NAV1: variants seen among roughly 807,000 people sequenced by gnomAD.
NAV1 encodes neuron navigator 1, also known as pore membrane and/or filament interacting like protein 3.
In NAV1, 18 loss-of-function variants were observed where a neutral mutation model predicts 175.2. The observed-to-expected ratio is 0.10, with a 90% confidence interval of 0.07 to 0.15. The LOEUF is 0.15. Ranked by LOEUF, NAV1 falls within the 10% of genes least tolerant of loss-of-function variation. The pLI is 1.00. For missense variants in NAV1, 1,731 were observed against 2,436.6 expected, an observed-to-expected ratio of 0.71 and a Z score of 6.10; for synonymous variants, 897 against 978.7, an observed-to-expected ratio of 0.92 and a Z score of 1.56.
intron 3 of NAV1, among the ~76,000 whole-genome samples, chr1:201,749,976 G>C (rs1245845013): frequency 1.3e-5 from 2 of 152,214 alleles, no homozygotes; most frequent in Non-Finnish European, 2.9e-5. Context: ...GGTTAGAGGA[G>C]ATTATAAAAC....
chr1:201,614,595 A>C (rs1013694437), intron 2 of NAV1, among the ~76,000 whole-genome samples: 1 of 152,074 alleles, frequency 6.6e-6, no homozygotes, highest in African/African-American at 2.4e-5. Context: ...GGCCCAAAAC[A>C]CTTCCTTGCT....
Position 201,778,002 on chromosome 1 carries a change from T to A in NAV1, c.1227-2419T>A, listed in dbSNP as rs146042474. ...GCTCTCTTCAGTGGAGCATCTCCAG[T>A]GGAGATGCTTAACTCTCATGTAATG... On this transcript the variant is annotated intron_variant, in intron 3 of 29. Coordinates refer to ENST00000367296, the Ensembl canonical transcript of NAV1. 3.9e-5 allele frequency among the ~76,000 whole-genome samples: 6 copies of A among 152,226 alleles called. No homozygotes were observed. In the East Asian group the frequency reaches 1.2e-3, roughly 29 times the overall value.
At chr1:201,816,396 T>C (rs1679030687) in intron 28 of NAV1, among the ~76,000 whole-genome samples, 1 of 152,086 alleles carries the variant, frequency 6.6e-6, no homozygotes, top group African/African-American at 2.4e-5. Context: ...TGTAAGGTAA[T>C]ACATACGTTA....
At chr1:201,609,695 C>A (rs1228234324) in intron 2 of NAV1, among the ~76,000 whole-genome samples, 1 of 152,156 alleles carries the variant, frequency 6.6e-6, no homozygotes, top group African/African-American at 2.4e-5. Flanking sequence ...TTCACAGGCT[C>A]AAGTTTCTGT....
At chr1:201,570,789 C>A (rs1465337916) in intron 1 of NAV1, among the ~76,000 whole-genome samples, 2 of 152,194 alleles carry the variant, frequency 1.3e-5, no homozygotes, top group Non-Finnish European at 2.9e-5. Flanking sequence ...GAGGCCTGTT[C>A]CCAGAAGTCC....
At chr1:201,774,154 A>G (rs1345754680) in intron 3 of NAV1, among the ~76,000 whole-genome samples, 1 of 152,186 alleles carries the variant, frequency 6.6e-6, no homozygotes, top group Non-Finnish European at 1.5e-5. Flanking sequence ...CTTGAGATCT[A>G]TGTGAGAAAC....
At chr1:201,730,938 G>T (rs896170135) in intron 3 of NAV1, among the ~76,000 whole-genome samples, 6 of 152,190 alleles carry the variant, frequency 3.9e-5, no homozygotes, top group African/African-American at 1.4e-4. Context: ...AAGTGTTCAG[G>T]GTTGGGGGTC....
In NAV1 at chr1:201,781,006, C is replaced by T. The variant is rs1180061896; in HGVS notation, c.1366-6C>T. 1.1e-5 allele frequency: 17 copies of T among 1,583,762 alleles called. No homozygotes were observed. In the Admixed American group the frequency reaches 1.7e-4, roughly 16 times the overall value. On this transcript the variant is annotated splice_polypyrimidine_tract_variant and splice_region_variant and intron_variant, in intron 4 of 29. Coordinates refer to ENST00000367296, the Ensembl canonical transcript of NAV1. ...ATCTCACTCTGCCTTTTTCTCTTTT[C>T]TTTAGCTACGCACAGACTCAGAGAA... is the stretch of plus-strand genomic sequence containing the variant.
intron 1 of NAV1, among the ~76,000 whole-genome samples, chr1:201,581,176 C>T (rs989422665): frequency 6.6e-6 from 1 of 152,090 alleles, no homozygotes; most frequent in African/African-American, 2.4e-5. Flanking sequence ...ATGGACAGGG[C>T]AGGGAGTGGA....
chr1:201,793,178 T>G (rs1677220221), intron 13 of NAV1: 3 of 152,418 alleles, frequency 2.0e-5, no homozygotes. Context: ...AGAGAGCCCT[T>G]TGGTATCCTT....
At chr1:201,690,749 G>A (rs1006360065) in intron 1 of NAV1, among the ~76,000 whole-genome samples, 1 of 140,710 alleles carries the variant, frequency 7.1e-6, no homozygotes, top group African/African-American at 2.7e-5. Context: ...TATTTCCTCC[G>A]TGGCCTGTCC....
At chr1:201,614,656 G>A (rs184774352) in intron 2 of NAV1, among the ~76,000 whole-genome samples, 34 of 152,334 alleles carry the variant, frequency 2.2e-4, no homozygotes, top group African/African-American at 8.2e-4. Context: ...TGTCCTGATG[G>A]GGCGGGGCCT....
At chr1:201,581,256 G>T (rs1666850793) in intron 1 of NAV1, among the ~76,000 whole-genome samples, 1 of 152,194 alleles carries the variant, frequency 6.6e-6, no homozygotes, top group South Asian at 2.1e-4. Flanking sequence ...GTGGAGATGG[G>T]TTGCAGGGAT....
chr1:201,576,921 T>C (rs1666707945), intron 1 of NAV1, among the ~76,000 whole-genome samples: 1 of 152,234 alleles, frequency 6.6e-6, no homozygotes, highest in Non-Finnish European at 1.5e-5. Flanking sequence ...TATTTAGACA[T>C]CTCTTTGGTG....
At chr1:201,793,049 C>T (rs559266930) in intron 13 of NAV1, 1 of 152,488 alleles carries the variant, frequency 6.6e-6, no homozygotes, top group Admixed American at 6.5e-5. Flanking sequence ...CGGCCTCATT[C>T]CCTTTACCTT....
chr1:201,743,222 C>G (rs553649626), intron 3 of NAV1, among the ~76,000 whole-genome samples: 1 of 152,306 alleles, frequency 6.6e-6, no homozygotes, highest in African/African-American at 2.4e-5. Flanking sequence ...GGAGACTATT[C>G]TTACCAATAC....
intron 2 of NAV1, among the ~76,000 whole-genome samples, chr1:201,603,309 G>A (rs1057109687): frequency 1.3e-5 from 2 of 152,144 alleles, no homozygotes; most frequent in African/African-American, 4.8e-5. Flanking sequence ...GCCACCTTAA[G>A]TATCTCTTCT....
chr1:201,663,401 A>T (rs997593347), intron 1 of NAV1, among the ~76,000 whole-genome samples: 5 of 152,014 alleles, frequency 3.3e-5, no homozygotes, highest in Non-Finnish European at 4.4e-5. Flanking sequence ...TCCTGTTGAG[A>T]TCAAGGTGAA....
At chr1:201,789,171 C>G (rs1676952524) in intron 10 of NAV1, among the ~76,000 whole-genome samples, 1 of 152,108 alleles carries the variant, frequency 6.6e-6, no homozygotes, top group African/African-American at 2.4e-5. Flanking sequence ...CAGGTTAGCT[C>G]TCCCATTATT....
Sources: gnomAD v4.1 joint callset for allele counts (sites outside exome capture counted in the v4.1 genomes callset) on GRCh38, gnomAD v4.1.1 for gene constraint, MANE v1.5 for transcripts, NCBI Gene and HGNC (gene_info 2026-07-23, HGNC 2026-07-21) for gene names.